Variants in DENND1B observed in about 807,000 individuals in gnomAD.
The protein encoded by DENND1B is DENN domain containing 1B, also known as DENN domain-containing protein 1B.
A neutral mutation model predicts 90.1 loss-of-function variants in DENND1B; 59 were observed. That is an observed-to-expected ratio of 0.65 (90% CI 0.53 to 0.81). DENND1B has a LOEUF of 0.81. Among genes scored for constraint, DENND1B ranks in the 40% least tolerant of loss-of-function variants. The pLI, the probability that DENND1B is intolerant of heterozygous loss-of-function variation, is 0.00. For missense variants in DENND1B, 862 were observed against 912.6 expected, an observed-to-expected ratio of 0.94 and a Z score of 0.71; for synonymous variants, 337 against 324.6, an observed-to-expected ratio of 1.04 and a Z score of -0.41.
upstream of DENND1B, among the ~76,000 whole-genome samples, chr1:197,776,303 A>G (rs940765998): frequency 1.3e-5 from 2 of 152,166 alleles, no homozygotes; most frequent in African/African-American, 4.8e-5. Context: ...AGTAATGGCA[A>G]AGCTGGAGTT....
At chr1:197,515,225 C>T (rs908155540) in intron 20 of DENND1B, among the ~76,000 whole-genome samples, 4 of 151,736 alleles carry the variant, frequency 2.6e-5, no homozygotes, top group Admixed American at 6.6e-5. Flanking sequence ...AACCCCTACT[C>T]GGAATGTGTA....
intron 13 of DENND1B, among the ~76,000 whole-genome samples, chr1:197,602,625 G>A (rs921291269): frequency 2.0e-5 from 3 of 151,046 alleles, no homozygotes; most frequent in African/African-American, 7.3e-5. Flanking sequence ...AATTTAACAT[G>A]TTAAACCTTC....
At chr1:197,513,521 C>G (rs1668182452) in intron 20 of DENND1B, among the ~76,000 whole-genome samples, 1 of 12,684 alleles carries the variant, frequency 7.9e-5, no homozygotes. Flanking sequence ...ACTGCTGAAT[C>G]TGGGGGGTCA....
At chr1:197,775,116 C>T in intron 1 of DENND1B, 23 bp downstream of exon 1, 1 of 1,268,252 alleles carries the variant, frequency 7.9e-7, no homozygotes, top group African/African-American at 1.6e-5. Context: ...CCGCCCCCGA[C>T]GCGCCCGGGC....
intron 18 of DENND1B, among the ~76,000 whole-genome samples, chr1:197,544,771 C>T (rs903694084): frequency 2.1e-4 from 14 of 67,488 alleles, no homozygotes; most frequent in East Asian, 1.6e-3. Flanking sequence ...AGGAAGAGGA[C>T]GAGGAGGAGG....
intron 1 of DENND1B, 43 bp downstream of exon 1, chr1:197,775,096 C>T (rs1000890892): frequency 5.7e-6 from 7 of 1,224,478 alleles, no homozygotes; most frequent in Non-Finnish European, 7.3e-6. Flanking sequence ...GAGGGGCCGC[C>T]GAGGGACGCC....
Position 197,696,069 on chromosome 1 carries a change from T to C in DENND1B, c.126+18962A>G, listed in dbSNP as rs1325750367. On this transcript the variant is annotated intron_variant, in intron 3 of 22. Transcript: ENST00000620048. ...TTTATTCAATAATGACCCATCCTTT[T>C]TATATTCAATAATGACCCATTAGTC... is the stretch of plus-strand genomic sequence containing the variant. Among the ~76,000 whole-genome samples, 3 of 151,326 alleles carry C rather than the reference T, an allele frequency of 2.0e-5. No individual in the cohort carries two copies. In the East Asian group the frequency reaches 5.8e-4, roughly 29 times the overall value.
intron 14 of DENND1B, among the ~76,000 whole-genome samples, chr1:197,592,496 T>A (rs1257797904): frequency 6.6e-6 from 1 of 152,140 alleles, no homozygotes; most frequent in Non-Finnish European, 1.5e-5. Flanking sequence ...AAAATAAGTA[T>A]AATTAATTCA....
chr1:197,759,292 A>G (rs934790983), intron 2 of DENND1B, among the ~76,000 whole-genome samples: 5 of 151,724 alleles, frequency 3.3e-5, no homozygotes, highest in African/African-American at 1.2e-4. Flanking sequence ...TAAAAAATTT[A>G]AAAAACCAAA....
chr1:197,550,967 T>C lies in DENND1B; in HGVS notation c.1240+2055A>G, dbSNP rs186916834. On this transcript the variant is annotated intron_variant, in intron 16 of 22. Coordinates refer to ENST00000620048, the MANE Select transcript of DENND1B (RefSeq NM_001195215.2). Reference sequence around the variant, plus strand: ...GAGATAAACAACAAAGTTAGATCAGTTTACTTCTTTGAAGAACAGGTTAAT... The same window carrying C: ...GAGATAAACAACAAAGTTAGATCAGCTTACTTCTTTGAAGAACAGGTTAAT... 1.8e-3 allele frequency among the ~76,000 whole-genome samples: 277 copies of C among 152,096 alleles called. 2 individuals carry two copies. Among genetic ancestry groups the C allele is most frequent in the African/African-American group, 6.5e-3 (269 of 41,502 alleles).
chr1:197,619,475 T>C (rs948578304), intron 10 of DENND1B, among the ~76,000 whole-genome samples: 2 of 151,202 alleles, frequency 1.3e-5, no homozygotes, highest in Non-Finnish European at 3.0e-5. Context: ...ATTCAATTTC[T>C]CAATCTGCAC....
At chr1:197,666,806 T>C (rs922324088) in intron 5 of DENND1B, among the ~76,000 whole-genome samples, 1 of 152,224 alleles carries the variant, frequency 6.6e-6, no homozygotes, top group Admixed American at 6.5e-5. Context: ...TAGATAATCC[T>C]ACCTTCCTTT....
rs769665397 is a variant in DENND1B, at chr1:197,611,960, G to C, written c.790C>G (p.Leu264Val). 1.7e-5 allele frequency: 28 copies of C among 1,603,598 alleles called. No individual in the cohort carries two copies. The African/African-American group carries it at 3.5e-4, about 20-fold the overall frequency. ...ATGAGGCTGGAGTGTATTCCAATCAGGTATGGCATTGGGGCACTAAATTAA... is the reference window on the plus strand; with the variant it reads ...ATGAGGCTGGAGTGTATTCCAATCACGTATGGCATTGGGGCACTAAATTAA... ...LDYCCAPMPY[L>V]IGIHSSLIER... The change falls in exon 12 of 23, where the codon CTG becomes GTG. Residue 264 changes from leucine to valine, a missense_variant. Physicochemically the swap from Leu to Val is conservative, Grantham distance 32. Coordinates refer to ENST00000620048, the MANE Select transcript of DENND1B (RefSeq NM_001195215.2).
intron 5 of DENND1B, 99 bp from the exon 6 acceptor site, chr1:197,658,468 C>CCTG: frequency 2.4e-6 from 2 of 821,476 alleles, no homozygotes; most frequent in Admixed American, 2.5e-5. Flanking sequence ...CAGGTTAATC[C>CCTG]TGGAGGTCAA....
At chr1:197,671,934 G>T (rs564497499) in intron 5 of DENND1B, 103 bp downstream of exon 5, 3 of 1,194,672 alleles carry the variant, frequency 2.5e-6, no homozygotes, top group Non-Finnish European at 3.3e-6. Context: ...TTTTCAACTT[G>T]TTTTTAAAGA....
intron 2 of DENND1B, among the ~76,000 whole-genome samples, chr1:197,744,256 C>T (rs142225321): frequency 2.0e-5 from 3 of 152,264 alleles, no homozygotes; most frequent in South Asian, 2.1e-4. Flanking sequence ...AGAGATTTTT[C>T]AATGTGCTTT....
chr1:197,544,606 C>T (rs899991113), intron 18 of DENND1B, among the ~76,000 whole-genome samples: 10 of 151,752 alleles, frequency 6.6e-5, no homozygotes, highest in African/African-American at 2.2e-4. Context: ...CCTTGGGCCA[C>T]ATTAGAGAAA....
At chr1:197,636,274 G>A (rs1679782464) in intron 10 of DENND1B, among the ~76,000 whole-genome samples, 1 of 152,030 alleles carries the variant, frequency 6.6e-6, no homozygotes, top group Non-Finnish European at 1.5e-5. Context: ...GTATAAATAT[G>A]ACACATTGAG....
At chr1:197,752,221 T>C (rs1488172315) in intron 2 of DENND1B, among the ~76,000 whole-genome samples, 1 of 152,018 alleles carries the variant, frequency 6.6e-6, no homozygotes, top group Non-Finnish European at 1.5e-5. Context: ...CTGCAGATCT[T>C]ATGAAAATTA....
Sources: allele counts gnomAD v4.1 joint callset (sites outside exome capture counted in the v4.1 genomes callset), GRCh38; gene constraint gnomAD v4.1.1; transcripts MANE v1.5; gene names NCBI Gene and HGNC (gene_info 2026-07-23, HGNC 2026-07-21).